TENM3: variants seen among roughly 807,000 people sequenced by gnomAD.
TENM3 encodes teneurin transmembrane protein 3.
A neutral mutation model predicts 255.1 loss-of-function variants in TENM3; 63 were observed. That is an observed-to-expected ratio of 0.25 (90% CI 0.20 to 0.30). The LOEUF is 0.30. TENM3 is among the 10% of genes least tolerant of loss of function. The probability of loss-of-function intolerance (pLI) is 1.00; values close to 1 mark genes in which losing one functional copy is unlikely to be tolerated. For missense variants in TENM3, 2,929 were observed against 3,461.1 expected, an observed-to-expected ratio of 0.85 and a Z score of 3.86; for synonymous variants, 1,306 against 1,322.3, an observed-to-expected ratio of 0.99 and a Z score of 0.27.
At chr4:181,717,175 C>T in the TENM3 span, among the ~76,000 whole-genome samples, 1 of 152,100 alleles carries the variant, frequency 6.6e-6, no homozygotes, top group Non-Finnish European at 1.5e-5. Context: ...ATTTCATTGT[C>T]GAGCCCCTTG....
chr4:181,841,228 T>C, the TENM3 span, among the ~76,000 whole-genome samples: 1 of 152,168 alleles, frequency 6.6e-6, no homozygotes, highest in African/African-American at 2.4e-5. Context: ...AATACTCTTC[T>C]TTTTTATTAA....
the TENM3 span, among the ~76,000 whole-genome samples, chr4:181,949,002 T>C: frequency 2.6e-5 from 4 of 151,836 alleles, no homozygotes; most frequent in African/African-American, 9.7e-5. Flanking sequence ...TAATGTTAAT[T>C]AGATTTACCC....
chr4:182,133,163 GGTCAC>G, the TENM3 span, among the ~76,000 whole-genome samples: 1 of 152,090 alleles, frequency 6.6e-6, no homozygotes, highest in African/African-American at 2.4e-5. Flanking sequence ...GAGAAAACAG[GGTCAC>G]GTCCTTAAGT....
intron 13 of TENM3, among the ~76,000 whole-genome samples, chr4:182,720,081 A>C (rs867312697): frequency 4.0e-5 from 6 of 151,368 alleles, no homozygotes; most frequent in Non-Finnish European, 7.4e-5. Flanking sequence ...CACACACACA[A>C]ACAAACTGCA....
chr4:181,976,410 T>C, the TENM3 span: 2 of 152,224 alleles, frequency 1.3e-5, no homozygotes, highest in Non-Finnish European at 2.9e-5. Flanking sequence ...TGGGCCGCCA[T>C]GCCCAGCCGG....
chr4:181,987,566 T>C, the TENM3 span, among the ~76,000 whole-genome samples: 1 of 152,102 alleles, frequency 6.6e-6, no homozygotes, highest in South Asian at 2.1e-4. Flanking sequence ...AAACCCACTC[T>C]CTCAATATGC....
At chr4:181,907,265 CAGG>C in the TENM3 span, among the ~76,000 whole-genome samples, 105 of 152,278 alleles carry the variant, frequency 6.9e-4, no homozygotes, top group African/African-American at 2.4e-3. Flanking sequence ...AACAGGGAGC[CAGG>C]AGGACCGTGG....
intron 3 of TENM3, among the ~76,000 whole-genome samples, chr4:182,584,683 AGGCT>A (rs1297825642): frequency 6.6e-6 from 1 of 152,112 alleles, no homozygotes; most frequent in Non-Finnish European, 1.5e-5. Context: ...TCTGTCGCCC[AGGCT>A]GGAGTGCAGT....
At chr4:182,627,085 G>T (rs561911797) in intron 4 of TENM3, among the ~76,000 whole-genome samples, 1 of 152,092 alleles carries the variant, frequency 6.6e-6, no homozygotes, top group African/African-American at 2.4e-5. Context: ...TATTTTTCAC[G>T]TAATAGTTTT....
the TENM3 span, among the ~76,000 whole-genome samples, chr4:181,802,459 A>G: frequency 6.6e-6 from 1 of 152,210 alleles, no homozygotes; most frequent in Non-Finnish European, 1.5e-5. Context: ...GAGCCAAGAA[A>G]TGGATTCTGA....
At chr4:181,865,592 C>T in the TENM3 span, among the ~76,000 whole-genome samples, 1 of 152,164 alleles carries the variant, frequency 6.6e-6, no homozygotes, top group African/African-American at 2.4e-5. Flanking sequence ...GCTGAAGGCC[C>T]ACTAAAGCAC....
chr4:182,503,655 G>A (rs6856951), intron 3 of TENM3, among the ~76,000 whole-genome samples: 21,439 of 152,078 alleles, frequency 0.14, 2,275 homozygotes, highest in African/African-American at 0.29. Flanking sequence ...TGGTTTTCAC[G>A]GTAGAGGGCA....
intron 1 of TENM3, among the ~76,000 whole-genome samples, chr4:182,300,041 G>C (rs1376864022): frequency 6.6e-6 from 1 of 151,796 alleles, no homozygotes; most frequent in African/African-American, 2.4e-5. Flanking sequence ...TCAGCCTCTA[G>C]AGTAGCTGGG....
At chr4:181,720,677 A>G in the TENM3 span, among the ~76,000 whole-genome samples, 1 of 152,172 alleles carries the variant, frequency 6.6e-6, no homozygotes, top group African/African-American at 2.4e-5. Context: ...AGTCTTTTGA[A>G]TATTCTCAGT....
chr4:182,283,712 G>C (rs1409609252), intron 1 of TENM3, among the ~76,000 whole-genome samples: 3 of 152,114 alleles, frequency 2.0e-5, no homozygotes, highest in East Asian at 3.9e-4. Flanking sequence ...CGGTGGATGT[G>C]GTGGGGTGAA....
chr4:181,862,102 ATTAT>A, the TENM3 span, among the ~76,000 whole-genome samples: 1 of 152,142 alleles, frequency 6.6e-6, no homozygotes, highest in African/African-American at 2.4e-5. Flanking sequence ...AGATACTGTC[ATTAT>A]TTGATAAGGT....
Position 182,439,072 on chromosome 4 carries a change from A to G in TENM3, c.511+92143A>G, listed in dbSNP as rs1429362538. 4.6e-5 allele frequency among the ~76,000 whole-genome samples: 7 copies of G among 152,338 alleles called. No homozygotes were observed. The East Asian group carries it at 1.3e-3, about 29-fold the overall frequency. ...CTCAGGAGTTACATTTAACTTGCTC[A>G]GCATCGATTAATAGATGCCCTTATT... On this transcript the variant is annotated intron_variant, in intron 3 of 27. Coordinates refer to ENST00000511685, the MANE Select transcript of TENM3 (RefSeq NM_001080477.4).
At chr4:182,449,102 CGG>C in intron 3 of TENM3, 1 of 274,730 alleles carries the variant, frequency 3.6e-6, no homozygotes, top group South Asian at 3.1e-5. Flanking sequence ...GCGGCGGCGG[CGG>C]CGGCGGCCTG....
At chr4:182,388,137 C>A (rs1489662507) in intron 3 of TENM3, among the ~76,000 whole-genome samples, 2 of 152,058 alleles carry the variant, frequency 1.3e-5, no homozygotes, top group East Asian at 3.9e-4. Flanking sequence ...GTTGCTCTTT[C>A]TTTTCTCTGT....
Sources: gnomAD v4.1 joint callset for allele counts (sites outside exome capture counted in the v4.1 genomes callset) on GRCh38, gnomAD v4.1.1 for gene constraint, MANE v1.5 for transcripts, NCBI Gene and HGNC (gene_info 2026-07-23, HGNC 2026-07-21) for gene names.